PIP5K1A: variants seen among roughly 807,000 people sequenced by gnomAD.
PIP5K1A encodes phosphatidylinositol-4-phosphate 5-kinase type 1 alpha.
PIP5K1A carries 46 observed loss-of-function variants against 72.9 expected under a neutral mutation model. The ratio of observed to expected loss-of-function variants is 0.63; its 90% CI spans 0.50 to 0.81. The LOEUF is 0.81. Ranked by LOEUF, PIP5K1A falls within the 30% of genes least tolerant of loss-of-function variation. The pLI, the probability that PIP5K1A is intolerant of heterozygous loss-of-function variation, is 0.00. For missense variants in PIP5K1A, 458 were observed against 706.1 expected, an observed-to-expected ratio of 0.65 and a Z score of 3.98; for synonymous variants, 228 against 255.1, an observed-to-expected ratio of 0.89 and a Z score of 1.01.
chr1:151,248,111 T>C lies in PIP5K1A; in HGVS notation c.*246T>C. ...CGCAGCATCCCCTCCACTCCAGAGT[T>C]GGGTGGTATGGATTTTCAACTGGCC... is the stretch of plus-strand genomic sequence containing the variant. On this transcript the variant is annotated 3_prime_UTR_variant, in exon 16 of 16. Transcript: ENST00000368888. The C allele has an allele frequency of 2.0e-6, 1 of 502,572 alleles. No homozygotes were observed. Among genetic ancestry groups the C allele is most frequent in the Non-Finnish European group, 3.5e-6 (1 of 281,908 alleles). The allele number at this position is 502,572 out of a possible 1,614,324, so 31.1% of individuals were successfully genotyped here. A position where few individuals can be genotyped will look rare whatever the true frequency, so the allele number is the denominator to read the frequency against.
At chr1:151,203,296 A>G (rs959265364) in intron 1 of PIP5K1A, among the ~76,000 whole-genome samples, 10 of 151,966 alleles carry the variant, frequency 6.6e-5, no homozygotes, top group African/African-American at 2.4e-4. Context: ...TGGGAGGCCA[A>G]GGCAGGCGGA....
intron 1 of PIP5K1A, among the ~76,000 whole-genome samples, chr1:151,212,137 ATTATCTCTTCAAG>A (rs1686915633): frequency 6.6e-6 from 1 of 151,968 alleles, no homozygotes; most frequent in Non-Finnish European, 1.5e-5. Flanking sequence ...TTTTGTTTAC[ATTATCTCTTCAAG>A]TTATCTCTTA....
In PIP5K1A at chr1:151,224,360, TC is replaced by T. The variant is rs587769280; in HGVS notation, c.121-10del. 1.9e-6 allele frequency: 3 copies of T among 1,610,166 alleles called. No individual in the cohort carries two copies. In the East Asian group the frequency reaches 6.7e-5, roughly 36 times the overall value. ...ACCTGTTTATGACATTTTTATTTTTTCTCTACTTAGGTCTTGGAAGCTAGAC... is the reference window on the plus strand; with the variant it reads ...ACCTGTTTATGACATTTTTATTTTTTTCTACTTAGGTCTTGGAAGCTAGAC... On this transcript the variant is annotated splice_polypyrimidine_tract_variant and intron_variant, in intron 2 of 15. Coordinates refer to ENST00000368888, the MANE Select transcript of PIP5K1A (RefSeq NM_001135638.2).
chr1:151,199,168 G>A lies in PIP5K1A; in HGVS notation c.85+87G>A, dbSNP rs1684840973. On this transcript the variant is annotated intron_variant, in intron 1 of 15. Coordinates refer to ENST00000368888, the MANE Select transcript of PIP5K1A (RefSeq NM_001135638.2). ...GACCTAAGAGGGTACCTGTAGCTGG[G>A]AATGTCCTACGTGTTACCGGTAAGT... The A allele has an allele frequency of 2.7e-5, 44 of 1,604,130 alleles. No homozygotes were observed. In the South Asian group the frequency reaches 4.8e-4, roughly 18 times the overall value.
intron 1 of PIP5K1A, among the ~76,000 whole-genome samples, chr1:151,218,703 G>T (rs1687970606): frequency 1.3e-5 from 2 of 151,944 alleles, no homozygotes; most frequent in Non-Finnish European, 2.9e-5. Flanking sequence ...GTGTGGTGGC[G>T]TGCACCTGTA....
At position 151,198,800 on chromosome 1, in the gene PIP5K1A, C is replaced by G; in HGVS notation, c.-197C>G. The G allele has an allele frequency of 1.5e-6, 1 of 656,936 alleles. No homozygotes were observed. The highest frequency in any genetic ancestry group is 1.8e-5 in the African/African-American group (1 of 55,722). 40.7% of individuals were successfully genotyped at this position (656,936 alleles called of 1,614,324 possible). On this transcript the variant is annotated 5_prime_UTR_variant, in exon 1 of 16. Coordinates refer to ENST00000368888, the MANE Select transcript of PIP5K1A (RefSeq NM_001135638.2). ...GGGGGTGCGGGACGTGAGTTCTTCC[C>G]CATGCCAGGCGAATGGTGTGGCCTT...
chr1:151,215,989 G>T, intron 1 of PIP5K1A: 1 of 1,301,402 alleles, frequency 7.7e-7, no homozygotes, highest in South Asian at 1.2e-5. Flanking sequence ...TGTGGGGTCA[G>T]TGGTAAGAGA....
At chr1:151,212,710 G>C (rs1686995885) in intron 1 of PIP5K1A, among the ~76,000 whole-genome samples, 1 of 151,650 alleles carries the variant, frequency 6.6e-6, no homozygotes, top group Admixed American at 6.6e-5. Flanking sequence ...GAGTAGCTGG[G>C]ACTACAGGCG....
rs1692758066 is a variant in PIP5K1A, at chr1:151,248,026, G to C, written c.*161G>C. 7 of 680,926 alleles carry C rather than the reference G, an allele frequency of 1.0e-5. No individual in the cohort carries two copies. Among genetic ancestry groups the C allele is most frequent in the Non-Finnish European group, 1.8e-5 (7 of 382,010 alleles). The allele number at this position is 680,926 out of a possible 1,614,324, so 42.2% of individuals were successfully genotyped here. On this transcript the variant is annotated 3_prime_UTR_variant, in exon 16 of 16. Transcript: ENST00000368888. ...GCTCCTCCATCTTCTTCCTGAAGAA[G>C]AACCTTCTCTCCTTCCTCTTCCTCA...
intron 1 of PIP5K1A, among the ~76,000 whole-genome samples, chr1:151,200,930 C>T (rs587771359): frequency 2.8e-3 from 431 of 151,754 alleles, no homozygotes; most frequent in Admixed American, 4.7e-3. Flanking sequence ...CCCGGGTTCA[C>T]GCCATTCTTT....
intron 14 of PIP5K1A, among the ~76,000 whole-genome samples, chr1:151,246,081 T>A (rs1692460264): frequency 6.6e-6 from 1 of 152,024 alleles, no homozygotes; most frequent in African/African-American, 2.4e-5. Context: ...ACCCCATCTG[T>A]ACTAAAAATA....
rs115496461 is a variant in PIP5K1A at position 151,206,100 on chromosome 1, A to G, written c.85+7019A>G. On this transcript the variant is annotated intron_variant, in intron 1 of 15. Coordinates refer to ENST00000368888, the MANE Select transcript of PIP5K1A (RefSeq NM_001135638.2). ...GACATATGTTTATCCTGTTTTGTTCATATCTCCTACAAGCTTTTATTCTTT... is the reference window on the plus strand; with the variant it reads ...GACATATGTTTATCCTGTTTTGTTCGTATCTCCTACAAGCTTTTATTCTTT... 5.8e-3 allele frequency among the ~76,000 whole-genome samples: 887 copies of G among 152,226 alleles called. 9 individuals carry two copies. Among genetic ancestry groups the G allele is most frequent in the African/African-American group, 0.02 (829 of 41,542 alleles).
intron 1 of PIP5K1A, among the ~76,000 whole-genome samples, chr1:151,208,837 A>G (rs1686364533): frequency 7.3e-6 from 1 of 137,214 alleles, no homozygotes; most frequent in South Asian, 2.3e-4. Flanking sequence ...GGTTCACGCC[A>G]TTCTCTTGCC....
intron 1 of PIP5K1A, among the ~76,000 whole-genome samples, chr1:151,200,390 T>C (rs763954069): frequency 2.1e-4 from 23 of 110,596 alleles, no homozygotes; most frequent in Non-Finnish European, 2.9e-4. Context: ...AGATTGTGTG[T>C]AGGGGAGAAA....
intron 8 of PIP5K1A, among the ~76,000 whole-genome samples, chr1:151,235,902 C>T (rs1292015808): frequency 6.6e-6 from 1 of 151,924 alleles, no homozygotes; most frequent in Admixed American, 6.6e-5. Context: ...GCAGGCAGAT[C>T]ACCAGGTCAG....
chr1:151,231,725 G>C lies in PIP5K1A; in HGVS notation c.292G>C (p.Gly98Arg), dbSNP rs1200271456. The C allele has an allele frequency of 1.2e-6, 2 of 1,613,464 alleles. No homozygotes were observed. The highest frequency in any genetic ancestry group is 2.7e-5 in the African/African-American group (2 of 74,880). ...AIQLGITHTV[G>R]SLSTKPERDV... ...CCAGTTAGGCATTACCCACACTGTG[G>C]GGAGCCTGAGTACCAAACCAGAGCG... The change falls in exon 5 of 16, where the codon GGG (glycine) becomes CGG (arginine). Residue 98 changes from glycine (G) to arginine (R), a missense_variant. Gly to Arg is a moderately radical substitution (Grantham distance 125, BLOSUM62 -2). Transcript: ENST00000368888.
intron 5 of PIP5K1A, among the ~76,000 whole-genome samples, 181 bp downstream of exon 5, chr1:151,231,982 C>A (rs1216892813): frequency 6.6e-6 from 1 of 152,160 alleles, no homozygotes; most frequent in African/African-American, 2.4e-5. Context: ...TAGATGCTTC[C>A]ATTAGCCTCT....
chr1:151,211,966 G>A (rs1686883259), intron 1 of PIP5K1A, among the ~76,000 whole-genome samples: 2 of 151,878 alleles, frequency 1.3e-5, no homozygotes, highest in African/African-American at 4.8e-5. Context: ...AAAAAAATTA[G>A]CTGGGTGTGG....
At chr1:151,231,131 G>A (rs756758559) in intron 4 of PIP5K1A, among the ~76,000 whole-genome samples, 22 of 150,700 alleles carry the variant, frequency 1.5e-4, no homozygotes, top group Non-Finnish European at 2.1e-4. Flanking sequence ...CGCTTGAACC[G>A]GGGAGGCAAA....
Sources: allele counts gnomAD v4.1 joint callset (sites outside exome capture counted in the v4.1 genomes callset), GRCh38; gene constraint gnomAD v4.1.1; transcripts MANE v1.5; gene names NCBI Gene and HGNC (gene_info 2026-07-23, HGNC 2026-07-21).